SEMA5A: variants seen among roughly 807,000 people sequenced by gnomAD.
The protein encoded by SEMA5A is semaphorin 5A, also known as semaphorin-5A.
SEMA5A carries 55 observed loss-of-function variants against 135.5 expected under a neutral mutation model. That is an observed-to-expected ratio of 0.41 (90% CI 0.33 to 0.51). The LOEUF (loss-of-function observed/expected upper bound fraction) is 0.51, where lower values mean the gene tolerates loss of function less well. SEMA5A is among the 20% of genes least tolerant of loss of function. The pLI is 0.37. For missense variants in SEMA5A, 1,290 were observed against 1,419.9 expected, an observed-to-expected ratio of 0.91 and a Z score of 1.47; for synonymous variants, 580 against 546.5, an observed-to-expected ratio of 1.06 and a Z score of -0.85.
chr5:9,168,057 A>G (rs1341161287), intron 11 of SEMA5A, among the ~76,000 whole-genome samples: 2 of 151,980 alleles, frequency 1.3e-5, no homozygotes, highest in African/African-American at 2.4e-5. Flanking sequence ...CTTCCTATGC[A>G]CCCCTCTCAC....
At chr5:9,492,728 C>G (rs760743447) in intron 1 of SEMA5A, among the ~76,000 whole-genome samples, 1 of 152,112 alleles carries the variant, frequency 6.6e-6, no homozygotes, top group Non-Finnish European at 1.5e-5. Flanking sequence ...AATAGAGGAA[C>G]CTTTAATGCA....
chr5:9,462,983 G>GA (rs1759112796), intron 1 of SEMA5A, among the ~76,000 whole-genome samples: 1 of 110,908 alleles, frequency 9.0e-6, no homozygotes, highest in African/African-American at 3.2e-5. Context: ...TAAAATAAAA[G>GA]TTAAAAAAAA....
intron 5 of SEMA5A, among the ~76,000 whole-genome samples, chr5:9,311,685 T>C (rs1386693511): frequency 6.6e-6 from 1 of 151,924 alleles, no homozygotes; most frequent in African/African-American, 2.4e-5. Flanking sequence ...AAGGCACATG[T>C]ATACATATGT....
At chr5:9,541,961 T>C (rs1738117114) in intron 1 of SEMA5A, among the ~76,000 whole-genome samples, 1 of 152,214 alleles carries the variant, frequency 6.6e-6, no homozygotes, top group African/African-American at 2.4e-5. Flanking sequence ...CAAGTTTTCA[T>C]TTGTTTTGTT....
intron 3 of SEMA5A, among the ~76,000 whole-genome samples, chr5:9,375,221 T>C (rs757668354): frequency 6.6e-6 from 1 of 152,172 alleles, no homozygotes; most frequent in Non-Finnish European, 1.5e-5. Flanking sequence ...CCAAAAGATA[T>C]ACTGAAGTCC....
intron 2 of SEMA5A, among the ~76,000 whole-genome samples, chr5:9,398,649 C>G (rs1322168639): frequency 4.6e-5 from 7 of 152,226 alleles, no homozygotes. Flanking sequence ...TTCTGCCCTT[C>G]AGATGAAAAG....
chr5:9,049,737 A>G (rs1447749120), intron 21 of SEMA5A, among the ~76,000 whole-genome samples: 2 of 152,172 alleles, frequency 1.3e-5, no homozygotes, highest in African/African-American at 2.4e-5. Flanking sequence ...TGGACAGCCA[A>G]CCTCTCCATC....
At chr5:9,373,659 A>G (rs944628881) in intron 3 of SEMA5A, among the ~76,000 whole-genome samples, 1 of 152,210 alleles carries the variant, frequency 6.6e-6, no homozygotes, top group African/African-American at 2.4e-5. Context: ...ATGGAAATCA[A>G]TAGGGCCCTG....
At chr5:9,371,290 A>T (rs1313481661) in intron 3 of SEMA5A, among the ~76,000 whole-genome samples, 1 of 152,134 alleles carries the variant, frequency 6.6e-6, no homozygotes, top group African/African-American at 2.4e-5. Context: ...AACTCAATAA[A>T]CCATTTTCGT....
At chr5:9,271,995 T>A (rs1458745449) in intron 5 of SEMA5A, among the ~76,000 whole-genome samples, 1 of 152,048 alleles carries the variant, frequency 6.6e-6, no homozygotes, top group Non-Finnish European at 1.5e-5. Flanking sequence ...CAGTGGCACC[T>A]GGAGCACCAG....
At chr5:9,141,039 C>T (rs2150230110) in intron 12 of SEMA5A, among the ~76,000 whole-genome samples, 1 of 152,276 alleles carries the variant, frequency 6.6e-6, no homozygotes, top group Non-Finnish European at 1.5e-5. Flanking sequence ...TACACTTATC[C>T]TTTAAAATGT....
intron 6 of SEMA5A, among the ~76,000 whole-genome samples, chr5:9,231,789 G>T (rs1747647085): frequency 6.6e-6 from 1 of 152,108 alleles, no homozygotes; most frequent in Admixed American, 6.6e-5. Flanking sequence ...TTTTCTTCTA[G>T]CCCATTTCTG....
intron 16 of SEMA5A, among the ~76,000 whole-genome samples, chr5:9,068,892 CA>C (rs1331151886): frequency 1.3e-5 from 2 of 152,140 alleles, no homozygotes; most frequent in African/African-American, 4.8e-5. Flanking sequence ...AAAGCAAAAT[CA>C]GCAAAGAGAA....
At chr5:9,233,445 A>T (rs535990376) in intron 6 of SEMA5A, among the ~76,000 whole-genome samples, 2 of 152,334 alleles carry the variant, frequency 1.3e-5, no homozygotes, top group Admixed American at 6.5e-5. Context: ...TTGAATCCAT[A>T]AAAACAGATT....
chr5:9,328,989 C>G (rs1752996995), intron 4 of SEMA5A, among the ~76,000 whole-genome samples: 1 of 152,210 alleles, frequency 6.6e-6, no homozygotes, highest in African/African-American at 2.4e-5. Context: ...ACTTCCCCCT[C>G]TCTGTCACCA....
intron 2 of SEMA5A, among the ~76,000 whole-genome samples, chr5:9,421,276 C>T (rs573852127): frequency 6.6e-6 from 1 of 152,250 alleles, no homozygotes; most frequent in South Asian, 2.1e-4. Context: ...CATAAAATCT[C>T]TCCAAGTTAA....
intron 1 of SEMA5A, among the ~76,000 whole-genome samples, chr5:9,484,690 T>C (rs1760010640): frequency 6.6e-6 from 1 of 152,228 alleles, no homozygotes; most frequent in Non-Finnish European, 1.5e-5. Flanking sequence ...GAAGGTGTAA[T>C]TAAGAAATGG....
At chr5:9,308,170 C>T (rs1019313183) in intron 5 of SEMA5A, among the ~76,000 whole-genome samples, 3 of 152,154 alleles carry the variant, frequency 2.0e-5, no homozygotes, top group Non-Finnish European at 4.4e-5. Context: ...ATAGTGGGTG[C>T]TATCGGCACC....
chr5:9,531,763 C>A (rs1400743884), intron 1 of SEMA5A, among the ~76,000 whole-genome samples: 1 of 152,164 alleles, frequency 6.6e-6, no homozygotes, highest in African/African-American at 2.4e-5. Flanking sequence ...ACTGTCTTCC[C>A]AGGGCAGAGC....
Sources: allele counts gnomAD v4.1 joint callset (sites outside exome capture counted in the v4.1 genomes callset), GRCh38; gene constraint gnomAD v4.1.1; transcripts MANE v1.5; gene names NCBI Gene and HGNC (gene_info 2026-07-23, HGNC 2026-07-21).